The following MGAM2 variants were observed in gnomAD, a reference collection of about 807,000 sequenced individuals.
MGAM2 encodes maltase-glucoamylase 2 (putative).
Under a neutral mutation model 96.1 loss-of-function variants are expected in MGAM2, and 98 were observed. That is an observed-to-expected ratio of 1.02 (90% CI 0.87 to 1.21). The LOEUF (loss-of-function observed/expected upper bound fraction) is 1.21. MGAM2 is among the 50% of genes most tolerant of loss of function. The pLI, the probability that MGAM2 is intolerant of heterozygous loss-of-function variation, is 0.00. For synonymous variants in MGAM2, 749 were observed against 414.8 expected, an observed-to-expected ratio of 1.81 and a Z score of -9.79; for missense variants, 2,055 against 1,182.4, an observed-to-expected ratio of 1.74 and a Z score of -10.82.
rs1199429720 is a variant in MGAM2, at chr7:142,154,624, G to A, written c.1807-105G>A. ...TGACTCTGGGATCTCCTTAAGCATG[G>A]GATGATGTGACAAAGAGGTTCTCTT... On this transcript the variant is annotated intron_variant, in intron 16 of 47. Transcript: ENST00000477922. The A allele has an allele frequency of 2.9e-5, 19 of 647,738 alleles. No homozygotes were observed. In the East Asian group the frequency reaches 4.9e-4, roughly 17 times the overall value. 40.1% of individuals were successfully genotyped at this position (647,738 alleles called of 1,614,324 possible).
chr7:142,117,523 G>A (rs1173233681), intron 2 of MGAM2, among the ~76,000 whole-genome samples: 13 of 152,148 alleles, frequency 8.5e-5, no homozygotes, highest in Non-Finnish European at 1.9e-4. Context: ...ATAATAAAAT[G>A]TGTGTAGTTC....
intron 33 of MGAM2, among the ~76,000 whole-genome samples, chr7:142,184,814 G>A (rs1426291103): frequency 6.6e-6 from 1 of 152,174 alleles, no homozygotes; most frequent in Non-Finnish European, 1.5e-5. Context: ...CTCGAAAGTT[G>A]GTTGTTCAGA....
chr7:142,188,837 GTGTC>G (rs754361636), intron 36 of MGAM2, among the ~76,000 whole-genome samples: 29 of 152,184 alleles, frequency 1.9e-4, no homozygotes, highest in Non-Finnish European at 4.1e-4. Context: ...GCTAATGTAA[GTGTC>G]TGAGCACATT....
Position 142,220,182 on chromosome 7 carries a change from G to A in MGAM2, c.5671G>A (p.Ala1891Thr). 1.4e-6 allele frequency: 1 copy of A among 702,674 alleles called. No homozygotes were observed. Among genetic ancestry groups the A allele is most frequent in the Admixed American group, 2.0e-5 (1 of 49,998 alleles). 43.5% of individuals were successfully genotyped at this position (702,674 alleles called of 1,614,324 possible). The change falls in exon 48 of 48, where the codon GCT becomes ACT. Residue 1891 changes from alanine (A) to threonine (T), a missense_variant. Physicochemically the swap from Ala to Thr is moderately conservative, Grantham distance 58 (BLOSUM62 0). Coordinates refer to ENST00000477922, the MANE Select transcript of MGAM2 (RefSeq NM_001293626.2). ...TCCTTTCCCTACAAGTACTACTAATGCTAGCACTAATGCTACTGTTCCTAT... is the reference window on the plus strand; with the variant it reads ...TCCTTTCCCTACAAGTACTACTAATACTAGCACTAATGCTACTGTTCCTAT... The part of the protein sequence containing the change: ...TSPFPTSTTN[A>T]STNATVPITT...
Position 142,221,010 on chromosome 7 carries a change from A to T in MGAM2, c.6499A>T (p.Thr2167Ser), listed in dbSNP as rs190548761. 2.1e-5 allele frequency: 15 copies of T among 702,388 alleles called. No homozygotes were observed. The highest frequency in any genetic ancestry group is 4.6e-4 in the Middle Eastern group (2 of 4,368). The allele number at this position is 702,388 out of a possible 1,614,324, so 43.5% of individuals were successfully genotyped here. The stretch of plus-strand genomic sequence containing the variant: ...TGCTAATATAACTGCTACCTCTCAT[A>T]CAAGTACTGATGATACTGTTCCTAA... ...NVANITATSH[T>S]STDDTVPNNT... Residue 2167 changes from threonine (T) to serine (S), a missense_variant, in exon 48 of 48, where the codon ACA becomes TCA. Coordinates refer to ENST00000477922, the MANE Select transcript of MGAM2 (RefSeq NM_001293626.2).
chr7:142,126,253 G>T (rs1014053747), intron 3 of MGAM2, among the ~76,000 whole-genome samples: 1 of 151,858 alleles, frequency 6.6e-6, no homozygotes, highest in African/African-American at 2.4e-5. Flanking sequence ...TTTAATATAT[G>T]AACGAATTCA....
At chr7:142,163,468 G>A (rs1348905903) in intron 23 of MGAM2, among the ~76,000 whole-genome samples, 1 of 152,172 alleles carries the variant, frequency 6.6e-6, no homozygotes, top group African/African-American at 2.4e-5. Flanking sequence ...TTTTAGTACA[G>A]ATGAGGTTTC....
intron 46 of MGAM2, among the ~76,000 whole-genome samples, chr7:142,217,713 G>T (rs953900966): frequency 2.0e-5 from 3 of 152,144 alleles, no homozygotes; most frequent in Admixed American, 6.5e-5. Flanking sequence ...ACATACTAGG[G>T]TGATGATAGT....
chr7:142,184,364 A>G (rs563233640), intron 33 of MGAM2, among the ~76,000 whole-genome samples: 41 of 152,310 alleles, frequency 2.7e-4, no homozygotes, highest in Admixed American at 1.6e-3. Context: ...TGAAGCAGTT[A>G]GTAACTATTT....
In MGAM2 at chr7:142,140,844, G is replaced by A. The variant is rs957006911; in HGVS notation, c.1129G>A (p.Asp377Asn). The A allele has an allele frequency of 4.3e-6, 3 of 702,840 alleles. No individual in the cohort carries two copies. The highest frequency in any genetic ancestry group is 7.8e-6 in the Non-Finnish European group (3 of 384,976). 43.5% of individuals were successfully genotyped at this position (702,840 alleles called of 1,614,324 possible). ...CATAGACTACATGGATGGAAAGAAG[G>A]ATTTCACTGTTGATGAAGTCGCTTA... ...SDIDYMDGKK[D>N]FTVDEVAYSG... The change falls in exon 11 of 48, where the codon GAT (aspartate) becomes AAT (asparagine). Residue 377 changes from aspartate (D) to asparagine (N), a missense_variant. Transcript: ENST00000477922.
intron 33 of MGAM2, among the ~76,000 whole-genome samples, chr7:142,183,682 C>T (rs1796607331): frequency 1.3e-5 from 2 of 152,218 alleles, no homozygotes; most frequent in African/African-American, 4.8e-5. Flanking sequence ...GTCTCCCAGA[C>T]ACCTGCATGC....
rs1342966873 is a variant in MGAM2, at chr7:142,221,038, A to C, written c.6527A>C (p.Asn2176Thr). ...AGTACTGATGATACTGTTCCTAATA[A>C]TACTGTTCCAGTTACAGCTATTCCT... Reference protein sequence around the residue: ...HTSTDDTVPNNTVPVTAIPSL... With the variant: ...HTSTDDTVPNTTVPVTAIPSL... The change falls in exon 48 of 48, where the codon AAT becomes ACT. Residue 2176 changes from asparagine to threonine, a missense_variant. Asn to Thr is a moderately conservative substitution (Grantham distance 65). Transcript: ENST00000477922. 8.5e-6 allele frequency: 6 copies of C among 702,392 alleles called. 1 individual carries two copies. The South Asian group carries it at 8.9e-5, about 10-fold the overall frequency. 43.5% of individuals were successfully genotyped at this position (702,392 alleles called of 1,614,324 possible). A position where few individuals can be genotyped will look rare whatever the true frequency, so the allele number is the denominator to read the frequency against.
At chr7:142,129,108 G>A (rs1421284968) in intron 3 of MGAM2, among the ~76,000 whole-genome samples, 1 of 152,220 alleles carries the variant, frequency 6.6e-6, no homozygotes, top group East Asian at 1.9e-4. Flanking sequence ...GTGAGACATG[G>A]AGTCAAAGGA....
intron 45 of MGAM2, among the ~76,000 whole-genome samples, chr7:142,204,705 T>C (rs1797343466): frequency 6.6e-6 from 1 of 152,074 alleles, no homozygotes; most frequent in Non-Finnish European, 1.5e-5. Flanking sequence ...GTAAAGTAAA[T>C]AAAACTCTAT....
Position 142,175,717 on chromosome 7 carries a change from T to C in MGAM2, c.3753T>C (p.Phe1251=). 1.4e-6 allele frequency: 1 copy of C among 702,878 alleles called. No homozygotes were observed. The highest frequency in any genetic ancestry group is 2.6e-6 in the Non-Finnish European group (1 of 384,974). The allele number at this position is 702,878 out of a possible 1,614,324, so 43.5% of individuals were successfully genotyped here. The change falls in exon 32 of 48, where the codon TTT becomes TTC. Residue 1251 remains phenylalanine, a synonymous_variant. Coordinates refer to ENST00000477922, the MANE Select transcript of MGAM2 (RefSeq NM_001293626.2). ...TGGATTTCACCCTCAGTGCCAACTT[T>C]CAAAACCTCAGTCTTCTGATTGAGC... ...RKLDFTLSAN[F]QNLSLLIEQM...
intron 23 of MGAM2, among the ~76,000 whole-genome samples, chr7:142,162,235 A>C (rs1225403574): frequency 6.6e-6 from 1 of 152,060 alleles, no homozygotes; most frequent in Non-Finnish European, 1.5e-5. Context: ...TGGAAAAAAA[A>C]ACATTACCTT....
chr7:142,175,843 C>A lies in MGAM2; in HGVS notation c.3816+63C>A. 3 of 676,764 alleles carry A rather than the reference C, an allele frequency of 4.4e-6. No homozygotes were observed. The South Asian group carries it at 4.7e-5, about 11-fold the overall frequency. 41.9% of individuals were successfully genotyped at this position (676,764 alleles called of 1,614,324 possible). ...CCATATTCATGGTTCAAAAATAGCA[C>A]CATTGTGGGAAACTGGATGAAGGGT... On this transcript the variant is annotated intron_variant, in intron 32 of 47. Coordinates refer to ENST00000477922, the MANE Select transcript of MGAM2 (RefSeq NM_001293626.2).
chr7:142,164,320 A>T (rs1349454785), intron 23 of MGAM2, among the ~76,000 whole-genome samples: 2 of 152,124 alleles, frequency 1.3e-5, no homozygotes, highest in African/African-American at 4.8e-5. Context: ...CAGTCTCCTC[A>T]TCTGAAAAAC....
chr7:142,152,775 T>C (rs55684242), intron 15 of MGAM2, among the ~76,000 whole-genome samples: 31,344 of 152,050 alleles, frequency 0.21, 4,046 homozygotes, highest in East Asian at 0.36. Context: ...TTGTTCAATT[T>C]TATAATTCTA....
Sources: allele counts gnomAD v4.1 joint callset (sites outside exome capture counted in the v4.1 genomes callset), GRCh38; gene constraint gnomAD v4.1.1; transcripts MANE v1.5; gene names NCBI Gene and HGNC (gene_info 2026-07-23, HGNC 2026-07-21).